SORCS2: variants seen among roughly 807,000 people sequenced by gnomAD.
The protein encoded by SORCS2 is VPS10 domain-containing receptor SorCS2.
A neutral mutation model predicts 141.6 loss-of-function variants in SORCS2; 100 were observed. The ratio of observed to expected loss-of-function variants is 0.71; its 90% CI spans 0.60 to 0.83. SORCS2 has a LOEUF of 0.83. Among genes scored for constraint, SORCS2 ranks in the 40% least tolerant of loss-of-function variants. SORCS2 has a pLI of 0.00. For missense variants in SORCS2, 1,646 were observed against 1,560.2 expected, an observed-to-expected ratio of 1.05 and a Z score of -0.93; for synonymous variants, 789 against 676.9, an observed-to-expected ratio of 1.17 and a Z score of -2.57.
At chr4:7,670,256 T>C (rs1190922179) in intron 8 of SORCS2, among the ~76,000 whole-genome samples, 1 of 152,242 alleles carries the variant, frequency 6.6e-6, no homozygotes, top group Non-Finnish European at 1.5e-5. Context: ...CTGTGAAAAC[T>C]ATAAAGGGTG....
intron 1 of SORCS2, among the ~76,000 whole-genome samples, chr4:7,321,308 T>C (rs1718880522): frequency 6.6e-6 from 1 of 152,222 alleles, no homozygotes; most frequent in Non-Finnish European, 1.5e-5. Flanking sequence ...TATTCCATGG[T>C]GTATGTATAC....
chr4:7,224,757 G>T (rs906003015), intron 1 of SORCS2, among the ~76,000 whole-genome samples: 2 of 152,084 alleles, frequency 1.3e-5, no homozygotes, highest in African/African-American at 4.8e-5. Flanking sequence ...ACTGGGTGGG[G>T]ATCAGGGGCC....
intron 4 of SORCS2, 127 bp downstream of exon 4, chr4:7,638,619 G>T: frequency 1.0e-6 from 1 of 956,098 alleles, no homozygotes; most frequent in Non-Finnish European, 1.5e-6. Flanking sequence ...GGAGCCTCCC[G>T]GGGCTGGGGG....
intron 3 of SORCS2, among the ~76,000 whole-genome samples, chr4:7,571,765 G>A (rs530989334): frequency 2.1e-4 from 32 of 152,180 alleles, no homozygotes; most frequent in Admixed American, 9.2e-4. Context: ...ACCAAGCGAC[G>A]TTGAATTATG....
At chr4:7,267,690 G>A (rs1714842721) in intron 1 of SORCS2, among the ~76,000 whole-genome samples, 1 of 152,202 alleles carries the variant, frequency 6.6e-6, no homozygotes, top group African/African-American at 2.4e-5. Flanking sequence ...AATTAGCCAG[G>A]CGTGGTGGCA....
chr4:7,588,058 C>T (rs1405493004), intron 3 of SORCS2, among the ~76,000 whole-genome samples: 1 of 152,194 alleles, frequency 6.6e-6, no homozygotes, highest in East Asian at 1.9e-4. Context: ...TGTCCTTGGT[C>T]CTCCAGTCGC....
chr4:7,548,228 G>A (rs1043652411), intron 3 of SORCS2, among the ~76,000 whole-genome samples: 12 of 152,090 alleles, frequency 7.9e-5, no homozygotes, highest in Non-Finnish European at 1.5e-4. Context: ...GAATGCTCCC[G>A]CGACCATTTG....
intron 1 of SORCS2, among the ~76,000 whole-genome samples, chr4:7,210,468 A>G (rs1727997756): frequency 6.6e-6 from 1 of 152,130 alleles, no homozygotes; most frequent in Non-Finnish European, 1.5e-5. Flanking sequence ...TTTTGTAGAG[A>G]TGAGATCTCG....
chr4:7,408,607 G>A (rs1263871511), intron 2 of SORCS2, among the ~76,000 whole-genome samples: 1 of 152,054 alleles, frequency 6.6e-6, no homozygotes, highest in Non-Finnish European at 1.5e-5. Flanking sequence ...TCTGTTTGGT[G>A]TTCTCTGACC....
intron 1 of SORCS2, among the ~76,000 whole-genome samples, chr4:7,322,024 C>T (rs1016542666): frequency 6.6e-6 from 1 of 152,200 alleles, no homozygotes; most frequent in Non-Finnish European, 1.5e-5. Context: ...CCTAGTGAGG[C>T]TCCTCCAAGA....
chr4:7,698,986 C>G (rs1303864896), intron 12 of SORCS2, among the ~76,000 whole-genome samples: 1 of 152,136 alleles, frequency 6.6e-6, no homozygotes, highest in Non-Finnish European at 1.5e-5. Flanking sequence ...CCCAGGTTGC[C>G]AGGGATGCAG....
chr4:7,721,701 C>T (rs991759144), intron 18 of SORCS2, among the ~76,000 whole-genome samples: 2 of 152,186 alleles, frequency 1.3e-5, no homozygotes, highest in Non-Finnish European at 2.9e-5. Context: ...CTGCAAAGGG[C>T]ACCCGGTGGG....
At chr4:7,433,591 A>G in intron 2 of SORCS2, 1 of 1,611,706 alleles carries the variant, frequency 6.2e-7, no homozygotes. Flanking sequence ...GGGCAGCGGC[A>G]GGATGCTGCA....
intron 1 of SORCS2, among the ~76,000 whole-genome samples, chr4:7,290,006 G>A (rs867690061): frequency 5.3e-5 from 8 of 152,172 alleles, no homozygotes; most frequent in Non-Finnish European, 1.0e-4. Context: ...GCACTCCCAG[G>A]CTGCGAGGGA....
rs368815740 is a variant in SORCS2, at chr4:7,425,841, G to T, written c.548+29486G>T. 3.3e-5 allele frequency among the ~76,000 whole-genome samples: 5 copies of T among 152,222 alleles called. No individual in the cohort carries two copies. In the East Asian group the frequency reaches 7.7e-4, roughly 23 times the overall value. On this transcript the variant is annotated intron_variant, in intron 2 of 26. Transcript: ENST00000507866. Reference sequence around the variant, plus strand: ...CAGGCAAGCATCCCGAGGCAGGGACGGCCCATTGGATGGGGCCTAGGCTCT... The same window carrying T: ...CAGGCAAGCATCCCGAGGCAGGGACTGCCCATTGGATGGGGCCTAGGCTCT...
At chr4:7,434,994 T>C (rs1350296801) in intron 2 of SORCS2, 6 of 1,293,842 alleles carry the variant, frequency 4.6e-6, no homozygotes, top group Non-Finnish European at 6.3e-6. Context: ...TCCTGGCCAC[T>C]CCCACAGCCT....
At chr4:7,547,554 A>C (rs10937836) in intron 3 of SORCS2, among the ~76,000 whole-genome samples, 1 of 152,170 alleles carries the variant, frequency 6.6e-6, no homozygotes, top group Non-Finnish European at 1.5e-5. Flanking sequence ...GCCTTGGCCC[A>C]TGCTCCGACA....
chr4:7,346,617 A>T (rs1720666250), intron 1 of SORCS2, among the ~76,000 whole-genome samples: 1 of 152,252 alleles, frequency 6.6e-6, no homozygotes, highest in South Asian at 2.1e-4. Context: ...ACTAATAATT[A>T]TTGAGAGTAG....
intron 17 of SORCS2, among the ~76,000 whole-genome samples, chr4:7,717,316 G>A (rs1726257256): frequency 6.6e-6 from 1 of 152,172 alleles, no homozygotes; most frequent in South Asian, 2.1e-4. Context: ...CCCCAGGGAT[G>A]CCCCAGCCAG....
Sources: gnomAD v4.1 joint callset for allele counts (sites outside exome capture counted in the v4.1 genomes callset) on GRCh38, gnomAD v4.1.1 for gene constraint, MANE v1.5 for transcripts, NCBI Gene and HGNC (gene_info 2026-07-23, HGNC 2026-07-21) for gene names.